The following TERT variants were observed in gnomAD, a reference collection of about 807,000 sequenced individuals.
TERT encodes the protein telomerase catalytic subunit.
TERT carries 42 observed loss-of-function variants against 104.0 expected under a neutral mutation model. The ratio of observed to expected loss-of-function variants is 0.40; its 90% CI spans 0.32 to 0.52. TERT has a LOEUF of 0.52. Among genes scored for constraint, TERT ranks in the 20% least tolerant of loss-of-function variants. The probability of loss-of-function intolerance (pLI) is 0.43; values close to 1 mark genes in which losing one functional copy is unlikely to be tolerated. For synonymous variants in TERT, 781 were observed against 725.6 expected, an observed-to-expected ratio of 1.08 and a Z score of -1.23; for missense variants, 1,101 against 1,610.3, an observed-to-expected ratio of 0.68 and a Z score of 5.41.
chr5:1,279,256 C>T (rs1307579913), intron 5 of TERT, 35 bp downstream of exon 5: 36 of 1,551,672 alleles, frequency 2.3e-5, no homozygotes, highest in Non-Finnish European at 3.1e-5. Flanking sequence ...TCCCAAGGTC[C>T]AGCAGGGCTG....
At chr5:1,259,844 A>C (rs1168710885) in intron 12 of TERT, among the ~76,000 whole-genome samples, 2 of 143,486 alleles carry the variant, frequency 1.4e-5, no homozygotes, top group Admixed American at 1.4e-4. Context: ...GGACGCCCAC[A>C]GGAGGGGGGA....
rs571161655 is a variant in TERT at position 1,258,801 on chromosome 5, C to T, written c.2971-142G>A. On this transcript the variant is annotated intron_variant, in intron 12 of 15. Transcript: ENST00000310581. ...AACTATCCCTCTTCCCAGTGAAATC[C>T]GGCCTGGCCCTCACCCGGCAGCTGC... is the stretch of plus-strand genomic sequence containing the variant. The T allele has an allele frequency of 4.2e-4, 346 of 819,488 alleles. 2 individuals carry two copies. Among genetic ancestry groups the T allele is most frequent in the Non-Finnish European group, 6.3e-4 (311 of 492,830 alleles). 50.8% of individuals were successfully genotyped at this position (819,488 alleles called of 1,614,324 possible).
intron 2 of TERT, among the ~76,000 whole-genome samples, chr5:1,283,257 G>A (rs1279002921): frequency 8.7e-6 from 1 of 114,960 alleles, no homozygotes; most frequent in Non-Finnish European, 1.7e-5. Flanking sequence ...ATCCGACACC[G>A]CATATCCAGC....
At position 1,279,528 on chromosome 5, in the gene TERT, C is replaced by T. The variant is rs954393744; in HGVS notation, c.1951-58G>A. The T allele has an allele frequency of 2.2e-5, 34 of 1,520,168 alleles. No homozygotes were observed. In the African/African-American group the frequency reaches 3.5e-4, roughly 15 times the overall value. The allele number at this position is 1,520,168 out of a possible 1,614,324, so 94.2% of individuals were successfully genotyped here. On this transcript the variant is annotated intron_variant, in intron 4 of 15. Coordinates refer to ENST00000310581, the MANE Select transcript of TERT (RefSeq NM_198253.3). ...AGTGGATCCGGCCAAGTGCCCACCC[C>T]ACCATAGGGACCCAGGGGAGAAGCA...
At position 1,268,792 on chromosome 5, in the gene TERT, G is replaced by A. The variant is rs895355780; in HGVS notation, c.2469-159C>T. 1.3e-5 allele frequency among the ~76,000 whole-genome samples: 2 copies of A among 152,172 alleles called. No individual in the cohort carries two copies. The highest frequency in any genetic ancestry group is 2.1e-4 in the South Asian group (1 of 4,822). The stretch of plus-strand genomic sequence containing the variant: ...CAGAAACATACCAGATGAGACCTCT[G>A]AACAAACAATCCCTGCTCCCCACTC... On this transcript the variant is annotated intron_variant, in intron 8 of 15. Transcript: ENST00000310581. This position sits in a 1 kb window ranked among gnomAD's most constrained non-coding sequence, Gnocchi z 5.5.
intron 9 of TERT, among the ~76,000 whole-genome samples, chr5:1,266,837 T>C (rs1748640568): frequency 1.3e-5 from 2 of 152,160 alleles, no homozygotes; most frequent in South Asian, 2.1e-4. Flanking sequence ...TAGGGAAAAA[T>C]AACTGAAGAC....
rs112509836 is a variant in TERT, at chr5:1,258,496, C to G, written c.3032+102G>C. On this transcript the variant is annotated intron_variant, in intron 13 of 15. Transcript: ENST00000310581. Reference sequence around the variant, plus strand: ...CACTGAAAACGTAAGACATTCCTTGCCCCTAAAACCCAGGAGTTCCAAGGT... The same window carrying G: ...CACTGAAAACGTAAGACATTCCTTGGCCCTAAAACCCAGGAGTTCCAAGGT... 28 of 1,039,598 alleles carry G rather than the reference C, an allele frequency of 2.7e-5. No individual in the cohort carries two copies. The African/African-American group carries it at 3.8e-4, about 14-fold the overall frequency. The allele number at this position is 1,039,598 out of a possible 1,614,324, so 64.4% of individuals were successfully genotyped here.
At chr5:1,264,061 C>A (rs888656364) in intron 11 of TERT, among the ~76,000 whole-genome samples, 3 of 152,008 alleles carry the variant, frequency 2.0e-5, no homozygotes, top group African/African-American at 7.3e-5. Context: ...CCAGCAGGGC[C>A]CCTGTGTTTC....
chr5:1,280,097 C>T, intron 4 of TERT, 61 bp downstream of exon 4: 4 of 1,606,362 alleles, frequency 2.5e-6, no homozygotes, highest in Non-Finnish European at 3.4e-6. Flanking sequence ...TAAGCTGATA[C>T]CAAATGTGGG....
In TERT at chr5:1,267,638, G is replaced by A. The variant is rs111298157; in HGVS notation, c.2582+882C>T. On this transcript the variant is annotated intron_variant, in intron 9 of 15. Transcript: ENST00000310581. ...AGAAAATGTGGCACATATACACCACGGAATACTATGCAGTCATAAAAAAGG... is the reference window on the plus strand; with the variant it reads ...AGAAAATGTGGCACATATACACCACAGAATACTATGCAGTCATAAAAAAGG... Among the ~76,000 whole-genome samples the A allele has an allele frequency of 1.7e-4, 26 of 152,300 alleles. 1 individual carries two copies. The highest frequency in any genetic ancestry group is 5.3e-4 in the African/African-American group (22 of 41,568).
chr5:1,290,509 G>A (rs866127924), intron 2 of TERT, among the ~76,000 whole-genome samples: 8 of 53,240 alleles, frequency 1.5e-4, no homozygotes, highest in Admixed American at 9.4e-4. Flanking sequence ...GACACCCGGG[G>A]ACAGCGCCTC....
At position 1,270,507 on chromosome 5, in the gene TERT, G is replaced by C. The variant is rs1192504299; in HGVS notation, c.2468+612C>G. 6.6e-6 allele frequency among the ~76,000 whole-genome samples: 1 copy of C among 152,190 alleles called. No homozygotes were observed. Among genetic ancestry groups the C allele is most frequent in the Non-Finnish European group, 1.5e-5 (1 of 68,034 alleles). On this transcript the variant is annotated intron_variant, in intron 8 of 15. Coordinates refer to ENST00000310581, the MANE Select transcript of TERT (RefSeq NM_198253.3). The surrounding 1 kb of genome is among the most constrained non-coding windows in gnomAD (Gnocchi z 8.3). ...ACGTGATGTGGCACCAGGCACTGTGGCTCTACCACCGTGAGTGTGGCTCAC... is the reference window on the plus strand; with the variant it reads ...ACGTGATGTGGCACCAGGCACTGTGCCTCTACCACCGTGAGTGTGGCTCAC...
rs1239502548 is a variant in TERT at position 1,294,880 on chromosome 5, C to T, written c.110G>A (p.Arg37Gln). The T allele has an allele frequency of 6.9e-7, 1 of 1,443,280 alleles. No homozygotes were observed. The highest frequency in any genetic ancestry group is 2.7e-5 in the Admixed American group (1 of 37,412). 89.4% of individuals were successfully genotyped at this position (1,443,280 alleles called of 1,614,324 possible). The change falls in exon 1 of 16, where the codon CGG becomes CAG. Residue 37 changes from arginine to glutamine, a missense_variant. Physicochemically the swap from Arg to Gln is conservative, Grantham distance 43. Coordinates refer to ENST00000310581, the MANE Select transcript of TERT (RefSeq NM_198253.3). ...CGCCGGGTCCCCGCGCTGCACCAGC[C>T]GCCAGCCCTGGGGCCCCAGGCGCCG... ...FVRRLGPQGW[R>Q]LVQRGDPAAF... is the part of the protein sequence containing the mutation.
rs1561190841 is a variant in TERT at position 1,260,486 on chromosome 5, A to C, written c.2958T>G (p.Phe986Leu). Residue 986 changes from phenylalanine (F) to leucine (L), a missense_variant, in exon 12 of 16, where the codon TTT (phenylalanine) becomes TTG (leucine). By Grantham distance (22) the Phe-to-Leu change is conservative. Transcript: ENST00000310581. ...TCAGCCTGCTCACCTGCAAATCCAG[A>C]AACAGGCTGTGACACTTCAGCCGCA... is the stretch of plus-strand genomic sequence containing the variant. ...GVLRLKCHSL[F>L]LDLQVNSLQT... 1 of 1,614,136 alleles carries C rather than the reference A, an allele frequency of 6.2e-7. No individual in the cohort carries two copies. Among genetic ancestry groups the C allele is most frequent in the Non-Finnish European group, 8.5e-7 (1 of 1,179,990 alleles).
intron 2 of TERT, 78 bp downstream of exon 2, chr5:1,293,235 C>T: frequency 6.4e-7 from 1 of 1,568,752 alleles, no homozygotes; most frequent in South Asian, 1.1e-5. Context: ...AGGACCAGGG[C>T]TCTGCCTGCC....
chr5:1,260,646 C>A (rs1209638301), intron 11 of TERT, 46 bp from the exon 12 acceptor site: 1 of 1,610,360 alleles, frequency 6.2e-7, no homozygotes, highest in Non-Finnish European at 8.5e-7. Context: ...TGCCCCACAC[C>A]CAGCCCCCTC....
At position 1,287,278 on chromosome 5, in the gene TERT, T is replaced by C. The variant is rs751490860; in HGVS notation, c.1574-4654A>G. 6.6e-6 allele frequency among the ~76,000 whole-genome samples: 1 copy of C among 151,894 alleles called. No individual in the cohort carries two copies. Among genetic ancestry groups the C allele is most frequent in the Non-Finnish European group, 1.5e-5 (1 of 67,980 alleles). On this transcript the variant is annotated intron_variant, in intron 2 of 15. Transcript: ENST00000310581. The surrounding 1 kb of genome is among the most constrained non-coding windows in gnomAD (Gnocchi z 4.3). The stretch of plus-strand genomic sequence containing the variant: ...ACTTTGGGAAGCCGAGGTAGATGGA[T>C]CCCTTGAGTCCAAGAGTTTGAGACC...
Position 1,278,746 on chromosome 5 carries a change from C to T in TERT, c.2181G>A (p.Glu727=), listed in dbSNP as rs1179672615. Residue 727 remains glutamate (E), a synonymous_variant, in exon 6 of 16, where the codon GAG becomes GAA. Coordinates refer to ENST00000310581, the MANE Select transcript of TERT (RefSeq NM_198253.3). ...YDTIPQDRLT[E]VIASIIKPQN... ...GGGGTTTGATGATGCTGGCGATGAC[C>T]TCCGTGAGCCTGTCCTGGGGGATGG... 3.7e-6 allele frequency: 6 copies of T among 1,614,178 alleles called. No homozygotes were observed. Among genetic ancestry groups the T allele is most frequent in the South Asian group, 1.1e-5 (1 of 91,088 alleles).
rs975871159 is a variant in TERT at position 1,263,284 on chromosome 5, A to G, written c.2843+1120T>C. 2.6e-5 allele frequency among the ~76,000 whole-genome samples: 4 copies of G among 152,136 alleles called. No individual in the cohort carries two copies. Among genetic ancestry groups the G allele is most frequent in the African/African-American group, 9.7e-5 (4 of 41,412 alleles). On this transcript the variant is annotated intron_variant, in intron 11 of 15. Coordinates refer to ENST00000310581, the MANE Select transcript of TERT (RefSeq NM_198253.3). This position sits in a 1 kb window ranked among gnomAD's most constrained non-coding sequence, Gnocchi z 5.3. ...CCATCCACCACTTATTTCTCTTCCC[A>G]TGAAGGTGTGCCTTTCAGAGGAAGG...
Sources: gnomAD v4.1 joint callset for allele counts (sites outside exome capture counted in the v4.1 genomes callset) on GRCh38, gnomAD v4.1.1 for gene constraint, Gnocchi (gnomAD v3.1) non-coding constraint, MANE v1.5 for transcripts, NCBI Gene and HGNC (gene_info 2026-07-23, HGNC 2026-07-21) for gene names.